Variants in FOCAD observed in about 807,000 individuals in gnomAD.
FOCAD encodes the protein focadhesin, also known as KIAA1797.
A neutral mutation model predicts 225.6 loss-of-function variants in FOCAD; 198 were observed. The observed-to-expected ratio is 0.88, with a 90% confidence interval of 0.78 to 0.99. The LOEUF (loss-of-function observed/expected upper bound fraction) is 0.99, where lower values mean the gene tolerates loss of function less well. Ranked by LOEUF, FOCAD falls within the 50% of genes least tolerant of loss-of-function variation. The pLI, the probability that FOCAD is intolerant of heterozygous loss-of-function variation, is 0.00. For synonymous variants in FOCAD, 897 were observed against 755.0 expected (o/e 1.19, Z -3.08); for missense variants, 2,713 against 2,123.6 (o/e 1.28, Z -5.46).
At chr9:20,945,451 T>C (rs957997226) in intron 29 of FOCAD, among the ~76,000 whole-genome samples, 2 of 152,196 alleles carry the variant, frequency 1.3e-5, no homozygotes, top group African/African-American at 4.8e-5. Flanking sequence ...GATTCTATTT[T>C]ATCCCAGCCT....
chr9:20,721,299 A>G (rs746008981), intron 4 of FOCAD, among the ~76,000 whole-genome samples: 1 of 151,986 alleles, frequency 6.6e-6, no homozygotes, highest in Non-Finnish European at 1.5e-5. Context: ...TGGTGAAGCT[A>G]CTTGTTTTTC....
chr9:20,874,613 A>G (rs1429460559), intron 18 of FOCAD, 68 bp from the exon 19 acceptor site: 20 of 1,535,322 alleles, frequency 1.3e-5, no homozygotes, highest in Middle Eastern at 1.7e-4. Context: ...ACAAAAAAGG[A>G]TACAGAAAAG....
chr9:20,760,481 T>G (rs888526632), intron 6 of FOCAD, among the ~76,000 whole-genome samples: 2 of 152,248 alleles, frequency 1.3e-5, no homozygotes, highest in African/African-American at 4.8e-5. Flanking sequence ...GTACAATGAC[T>G]TGCCTTGTGT....
chr9:20,877,200 T>G (rs562117885), intron 19 of FOCAD, among the ~76,000 whole-genome samples: 1 of 152,246 alleles, frequency 6.6e-6, no homozygotes, highest in East Asian at 1.9e-4. Context: ...GCTATTTCTT[T>G]CCCCGTCAAG....
intron 10 of FOCAD, among the ~76,000 whole-genome samples, chr9:20,783,331 T>G (rs7859871): frequency 0.67 from 101,345 of 151,996 alleles, 34,007 homozygotes; most frequent in African/African-American, 0.73. Flanking sequence ...AGGCTTTGAG[T>G]AGATATATGA....
chr9:20,949,522 T>C, intron 32 of FOCAD, 82 bp from the exon 33 acceptor site: 6 of 967,160 alleles, frequency 6.2e-6, no homozygotes, highest in Non-Finnish European at 9.7e-6. Flanking sequence ...ACTTAGAAGA[T>C]GGATAGCTCA....
chr9:20,950,564 A>G (rs978564146), intron 33 of FOCAD, among the ~76,000 whole-genome samples: 2 of 152,220 alleles, frequency 1.3e-5, no homozygotes, highest in Admixed American at 6.5e-5. Context: ...AAAAATCCTT[A>G]TGAATGATAA....
At chr9:20,786,377 G>T (rs1490794639) in intron 10 of FOCAD, among the ~76,000 whole-genome samples, 1 of 152,160 alleles carries the variant, frequency 6.6e-6, no homozygotes, top group Non-Finnish European at 1.5e-5. Flanking sequence ...TGAGCATGTT[G>T]TGTGTTATCT....
intron 23 of FOCAD, among the ~76,000 whole-genome samples, chr9:20,913,261 G>A (rs1833600493): frequency 6.6e-6 from 1 of 150,444 alleles, no homozygotes; most frequent in Admixed American, 6.6e-5. Context: ...ATATGCTTTT[G>A]AATGAAAAAT....
At chr9:20,990,526 A>G (rs888962747) in intron 42 of FOCAD, 152 bp downstream of exon 42, 2 of 1,015,138 alleles carry the variant, frequency 2.0e-6, no homozygotes, top group Non-Finnish European at 2.8e-6. Context: ...GCAGAGTCTC[A>G]GAGATTGAGG....
Position 20,815,130 on chromosome 9 carries a change from T to G in FOCAD, c.1456-4666T>G, listed in dbSNP as rs867421184. Among the ~76,000 whole-genome samples, 5 of 87,504 alleles carry G rather than the reference T, an allele frequency of 5.7e-5. 1 individual carries two copies. Among genetic ancestry groups the G allele is most frequent in the African/African-American group, 2.5e-4 (5 of 20,254 alleles). 57.4% of individuals were successfully genotyped at this position (87,504 alleles called of 152,430 possible). ...ATATCATTACTTCTCTTTGTTTTTT[T>G]TTTTTTGTTTTTTTTTTTTTTTTTG... On this transcript the variant is annotated intron_variant, in intron 11 of 43. Transcript: ENST00000338382.
chr9:20,665,353 A>G (rs1342753737), intron 2 of FOCAD, among the ~76,000 whole-genome samples: 1 of 152,156 alleles, frequency 6.6e-6, no homozygotes, highest in Admixed American at 6.5e-5. Flanking sequence ...TAAATACTAC[A>G]TTTACACTGC....
At chr9:20,691,359 C>G (rs902739802) in intron 1 of FOCAD, among the ~76,000 whole-genome samples, 1 of 152,098 alleles carries the variant, frequency 6.6e-6, no homozygotes, top group Non-Finnish European at 1.5e-5. Context: ...CCTTATCTCC[C>G]TGATAAGAGT....
At chr9:20,854,165 G>C (rs1170183563) in intron 15 of FOCAD, among the ~76,000 whole-genome samples, 1 of 151,700 alleles carries the variant, frequency 6.6e-6, no homozygotes, top group Non-Finnish European at 1.5e-5. Context: ...GGAGTAGGCT[G>C]TTCTCAGGAA....
At chr9:20,957,663 AT>A (rs1838309713) in intron 35 of FOCAD, 1 of 55,636 alleles carries the variant, frequency 1.8e-5, no homozygotes, top group African/African-American at 6.7e-5. Context: ...TAGCATAGAT[AT>A]CTCTCTCTCT....
At chr9:20,707,965 G>A (rs991716822) in intron 1 of FOCAD, among the ~76,000 whole-genome samples, 1 of 152,160 alleles carries the variant, frequency 6.6e-6, no homozygotes, top group Non-Finnish European at 1.5e-5. Context: ...CTTAGGGACT[G>A]GGAAGCAGTA....
intron 5 of FOCAD, among the ~76,000 whole-genome samples, chr9:20,748,574 A>T (rs1400924057): frequency 6.6e-6 from 1 of 152,162 alleles, no homozygotes; most frequent in Non-Finnish European, 1.5e-5. Context: ...ATGGGAAAGG[A>T]TGTAGTCAGA....
chr9:20,655,700 A>T (rs1821465149), upstream of FOCAD, among the ~76,000 whole-genome samples: 1 of 152,000 alleles, frequency 6.6e-6, no homozygotes, highest in Admixed American at 6.6e-5. Context: ...GCGGTCTATC[A>T]ATTTTGTTGA....
Position 20,823,068 on chromosome 9 carries a change from C to G in FOCAD, c.1873C>G (p.Pro625Ala), listed in dbSNP as rs1450934174. 4 of 1,609,458 alleles carry G rather than the reference C, an allele frequency of 2.5e-6. No homozygotes were observed. In the African/African-American group the frequency reaches 5.4e-5, roughly 22 times the overall value. ...ATGCACCAAGCCTGATCAAGCTACT[C>G]CAGCAGCCTTGGTATTACAGGGTCT... is the stretch of plus-strand genomic sequence containing the variant. ...NECTKPDQAT[P>A]AALVLQGLHA... Residue 625 changes from proline to alanine, a missense_variant, in exon 15 of 44, where the codon CCA becomes GCA. By Grantham distance (27) the Pro-to-Ala change is conservative. Coordinates refer to ENST00000338382, the MANE Select transcript of FOCAD (RefSeq NM_001375567.1).
Sources: gnomAD v4.1 joint callset for allele counts (sites outside exome capture counted in the v4.1 genomes callset) on GRCh38, gnomAD v4.1.1 for gene constraint, MANE v1.5 for transcripts, NCBI Gene and HGNC (gene_info 2026-07-23, HGNC 2026-07-21) for gene names.